Variants in INTU observed in about 807,000 individuals in gnomAD.
INTU encodes inturned planar cell polarity protein.
A neutral mutation model predicts 100.5 loss-of-function variants in INTU; 68 were observed. The observed-to-expected ratio is 0.68, with a 90% CI of 0.56 to 0.83. INTU has a LOEUF of 0.83. Ranked by LOEUF, INTU falls within the 40% of genes least tolerant of loss-of-function variation. The probability of loss-of-function intolerance (pLI) is 0.00; values close to 1 mark genes in which losing one functional copy is unlikely to be tolerated. For synonymous variants in INTU, 357 were observed against 395.7 expected (o/e 0.90, Z 1.16); for missense variants, 1,071 against 1,114.7 (o/e 0.96, Z 0.56).
chr4:127,647,791 A>T (rs372380335), intron 2 of INTU, among the ~76,000 whole-genome samples: 4 of 152,214 alleles, frequency 2.6e-5, no homozygotes, highest in Non-Finnish European at 4.4e-5. Context: ...ACATTTTGTT[A>T]TATATCCTCC....
intron 8 of INTU, among the ~76,000 whole-genome samples, chr4:127,689,634 C>T (rs1730011498): frequency 6.7e-6 from 1 of 149,958 alleles, no homozygotes; most frequent in African/African-American, 2.5e-5. Context: ...CACTGCACTA[C>T]GGTGGGGCAA....
At chr4:127,652,156 C>T (rs1331443953) in intron 2 of INTU, among the ~76,000 whole-genome samples, 3 of 127,316 alleles carry the variant, frequency 2.4e-5, no homozygotes, top group Non-Finnish European at 4.9e-5. Context: ...ACAATCATGT[C>T]GTCTGCAAAC....
At chr4:127,658,030 G>C (rs1479162411) in intron 3 of INTU, among the ~76,000 whole-genome samples, 1 of 152,086 alleles carries the variant, frequency 6.6e-6, no homozygotes, top group Non-Finnish European at 1.5e-5. Context: ...GTCGTTTTTG[G>C]ATTGGTCAGG....
chr4:127,710,655 A>G lies in INTU; in HGVS notation c.2370-258A>G, dbSNP rs575450308. On this transcript the variant is annotated intron_variant, in intron 13 of 15. Transcript: ENST00000335251. The stretch of plus-strand genomic sequence containing the variant: ...CAAAGGAATGATTAAGTTACTTGCA[A>G]ATGAATTGAGGTTTACTTATCCTTG... Among the ~76,000 whole-genome samples the G allele has an allele frequency of 4.6e-5, 7 of 152,310 alleles. No individual in the cohort carries two copies. In the South Asian group the frequency reaches 1.5e-3, roughly 32 times the overall value.
chr4:127,655,887 T>C (rs1728183527), intron 2 of INTU, among the ~76,000 whole-genome samples: 1 of 152,136 alleles, frequency 6.6e-6, no homozygotes, highest in Admixed American at 6.5e-5. Context: ...TCCGTGGGCG[T>C]AGGACCCTCC....
chr4:127,637,113 T>G (rs185685587), intron 1 of INTU, among the ~76,000 whole-genome samples: 1 of 152,300 alleles, frequency 6.6e-6, no homozygotes, highest in East Asian at 1.9e-4. Context: ...CCTTCTCTGG[T>G]TTTCTCTTCT....
At chr4:127,647,778 A>G (rs1389500204) in intron 2 of INTU, among the ~76,000 whole-genome samples, 1 of 152,208 alleles carries the variant, frequency 6.6e-6, no homozygotes, top group Admixed American at 6.5e-5. Context: ...ATACCCAAAG[A>G]CAACATTTTG....
At chr4:127,704,440 G>T (rs1054799349) in intron 10 of INTU, 150 bp downstream of exon 10, 6 of 633,514 alleles carry the variant, frequency 9.5e-6, no homozygotes, top group Middle Eastern at 4.2e-4. Context: ...TAGAGACAGG[G>T]TCTTGCTCTG....
chr4:127,680,046 TA>T (rs199965099), intron 6 of INTU, among the ~76,000 whole-genome samples: 3,485 of 152,256 alleles, frequency 0.023, 58 homozygotes, highest in Non-Finnish European at 0.031. Context: ...CTCCCAAGAC[TA>T]AACCAGGAAG....
intron 10 of INTU, 65 bp from the exon 11 acceptor site, chr4:127,705,526 G>C: frequency 8.2e-7 from 1 of 1,213,560 alleles, no homozygotes; most frequent in Non-Finnish European, 1.2e-6. Flanking sequence ...GAAACTCTTA[G>C]AAATATTATG....
rs530867939 is a variant in INTU at position 127,687,948 on chromosome 4, T to G, written c.1449+81T>G. ...TATCTTCTCTTTTTTTCGTAGACTT[T>G]TTGTTATTTTTGGAATTATGGTTAA... is the stretch of plus-strand genomic sequence containing the variant. On this transcript the variant is annotated intron_variant, in intron 8 of 15. Transcript: ENST00000335251. The G allele has an allele frequency of 8.2e-6, 8 of 971,774 alleles. No individual in the cohort carries two copies. In the South Asian group the frequency reaches 2.5e-4, roughly 31 times the overall value. 60.2% of individuals were successfully genotyped at this position (971,774 alleles called of 1,614,324 possible).
intron 4 of INTU, 99 bp downstream of exon 4, chr4:127,663,683 T>C (rs1157969608): frequency 5.7e-6 from 5 of 875,294 alleles, no homozygotes; most frequent in Non-Finnish European, 8.9e-6. Context: ...AGTGAGTATA[T>C]TTGATTTAAG....
chr4:127,674,234 C>A (rs889934577), intron 6 of INTU, 21 bp downstream of exon 6: 16 of 1,527,072 alleles, frequency 1.0e-5, no homozygotes, highest in Non-Finnish European at 1.4e-5. Flanking sequence ...GTTTTGCTTA[C>A]CTTAAAATCA....
intron 8 of INTU, among the ~76,000 whole-genome samples, chr4:127,688,374 CA>C (rs1197781965): frequency 6.6e-6 from 1 of 152,138 alleles, no homozygotes; most frequent in Non-Finnish European, 1.5e-5. Flanking sequence ...TAAGAATTAT[CA>C]ATATGATTTT....
chr4:127,682,273 T>C (rs556239428), intron 6 of INTU, among the ~76,000 whole-genome samples: 1 of 152,076 alleles, frequency 6.6e-6, no homozygotes, highest in Admixed American at 6.5e-5. Context: ...CAAAGGACTA[T>C]AAATCATGCT....
chr4:127,637,427 A>G (rs1727121040), intron 1 of INTU, among the ~76,000 whole-genome samples: 1 of 152,194 alleles, frequency 6.6e-6, no homozygotes, highest in Admixed American at 6.5e-5. Context: ...CATTATTGAA[A>G]ATGATTATCC....
chr4:127,639,841 C>T (rs1727231226), intron 1 of INTU, among the ~76,000 whole-genome samples: 1 of 152,150 alleles, frequency 6.6e-6, no homozygotes, highest in Admixed American at 6.6e-5. Flanking sequence ...AGTCTCCCTA[C>T]TGTGTAATAG....
rs1042367814 is a variant in INTU, at chr4:127,723,536, C to G, written c.*7100C>G. 6.6e-6 allele frequency: 1 copy of G among 151,988 alleles called. No homozygotes were observed. Among genetic ancestry groups the G allele is most frequent in the African/African-American group, 2.4e-5 (1 of 41,364 alleles). 9.4% of individuals were successfully genotyped at this position (151,988 alleles called of 1,614,324 possible). A position where few individuals can be genotyped will look rare whatever the true frequency, so the allele number is the denominator to read the frequency against. On this transcript the variant is annotated 3_prime_UTR_variant, in exon 16 of 16. Coordinates refer to ENST00000335251, the MANE Select transcript of INTU (RefSeq NM_015693.4). ...GAAAGGGGGAAAGATGAAAATTAAACTTACTTTTTATTTATTTGATTCTCT... is the reference window on the plus strand; with the variant it reads ...GAAAGGGGGAAAGATGAAAATTAAAGTTACTTTTTATTTATTTGATTCTCT...
intron 8 of INTU, among the ~76,000 whole-genome samples, 193 bp from the exon 9 acceptor site, chr4:127,699,813 TTAAA>T (rs1437968387): frequency 6.6e-6 from 1 of 152,192 alleles, no homozygotes; most frequent in Non-Finnish European, 1.5e-5. Flanking sequence ...AAACAATATG[TTAAA>T]TAAGTAAACT....
Sources: allele counts gnomAD v4.1 joint callset (sites outside exome capture counted in the v4.1 genomes callset), GRCh38; gene constraint gnomAD v4.1.1; transcripts MANE v1.5; gene names NCBI Gene and HGNC (gene_info 2026-07-23, HGNC 2026-07-21).